Variants in KIAA1217 observed in about 807,000 individuals in gnomAD.
The protein encoded by KIAA1217 is sickle tail protein homolog.
Under a neutral mutation model 163.9 loss-of-function variants are expected in KIAA1217, and 88 were observed. The ratio of observed to expected loss-of-function variants is 0.54; its 90% CI spans 0.45 to 0.64. The LOEUF is 0.64. KIAA1217 is among the 30% of genes least tolerant of loss of function. The pLI is 0.00. For synonymous variants in KIAA1217, 903 were observed against 923.1 expected, an observed-to-expected ratio of 0.98 and a Z score of 0.39; for missense variants, 2,372 against 2,475.0, an observed-to-expected ratio of 0.96 and a Z score of 0.88.
chr10:24,379,504 A>G (rs960723363), intron 2 of KIAA1217, among the ~76,000 whole-genome samples: 6 of 152,106 alleles, frequency 3.9e-5, no homozygotes, highest in Non-Finnish European at 8.8e-5. Flanking sequence ...CACAGGGCGG[A>G]AGGTACTGAC....
intron 1 of KIAA1217, among the ~76,000 whole-genome samples, chr10:23,837,482 A>G (rs1197350686): frequency 6.6e-6 from 1 of 152,022 alleles, no homozygotes; most frequent in Admixed American, 6.6e-5. Flanking sequence ...TTTGGTTTTC[A>G]CTCAGAACTG....
At chr10:24,111,314 C>T (rs2062836173) in intron 2 of KIAA1217, among the ~76,000 whole-genome samples, 2 of 152,200 alleles carry the variant, frequency 1.3e-5, no homozygotes, top group South Asian at 2.1e-4. Context: ...TCTCCCATGG[C>T]AAGATATGTA....
intron 2 of KIAA1217, among the ~76,000 whole-genome samples, chr10:24,143,041 T>A (rs908795719): frequency 6.6e-6 from 1 of 152,214 alleles, no homozygotes; most frequent in African/African-American, 2.4e-5. Flanking sequence ...TTACTGGTTG[T>A]CTCACGTAGA....
chr10:23,894,591 A>T (rs1290438098), intron 1 of KIAA1217, among the ~76,000 whole-genome samples: 1 of 150,380 alleles, frequency 6.6e-6, no homozygotes, highest in African/African-American at 2.4e-5. Context: ...ATTCAATGCC[A>T]TCCCCATCAA....
intron 2 of KIAA1217, among the ~76,000 whole-genome samples, chr10:24,072,818 A>C (rs1022337937): frequency 1.3e-5 from 2 of 152,192 alleles, no homozygotes; most frequent in Non-Finnish European, 2.9e-5. Context: ...GAATACAGGC[A>C]GAGAGGAGGT....
chr10:24,052,600 C>G (rs1018174405), intron 2 of KIAA1217, among the ~76,000 whole-genome samples: 4 of 119,572 alleles, frequency 3.3e-5, no homozygotes, highest in Non-Finnish European at 7.6e-5. Context: ...GTGCTTCCAA[C>G]TTTTAGTTTT....
At chr10:24,075,606 CTT>C (rs1275191864) in intron 2 of KIAA1217, among the ~76,000 whole-genome samples, 18 of 137,970 alleles carry the variant, frequency 1.3e-4, no homozygotes, top group South Asian at 2.3e-4. Context: ...AGCATTTTAT[CTT>C]TTTTTTTTTT....
intron 1 of KIAA1217, among the ~76,000 whole-genome samples, chr10:23,950,777 C>T (rs1644887694): frequency 1.3e-5 from 2 of 152,084 alleles, no homozygotes; most frequent in Non-Finnish European, 1.5e-5. Flanking sequence ...GTATATTTTA[C>T]TTACTTGTTT....
intron 5 of KIAA1217, among the ~76,000 whole-genome samples, chr10:24,446,271 CT>C (rs2060927299): frequency 6.6e-6 from 1 of 151,984 alleles, no homozygotes; most frequent in Admixed American, 6.6e-5. Flanking sequence ...ATTGTAGATT[CT>C]GGATATTAGC....
intron 2 of KIAA1217, among the ~76,000 whole-genome samples, chr10:24,319,573 G>C (rs1395239066): frequency 1.3e-5 from 2 of 152,156 alleles, no homozygotes; most frequent in Non-Finnish European, 2.9e-5. Context: ...TGGTTGGGGA[G>C]TTAGGAGAGG....
chr10:24,314,653 A>G (rs1032643890), intron 2 of KIAA1217, among the ~76,000 whole-genome samples: 1 of 152,130 alleles, frequency 6.6e-6, no homozygotes, highest in East Asian at 1.9e-4. Context: ...TGCAAAATAT[A>G]CATATTGGCC....
intron 2 of KIAA1217, among the ~76,000 whole-genome samples, chr10:24,065,670 G>A (rs1325209290): frequency 1.3e-5 from 2 of 152,194 alleles, no homozygotes; most frequent in African/African-American, 2.4e-5. Flanking sequence ...GACTGGTGCA[G>A]AGCTGAGTTC....
At chr10:24,199,214 A>T (rs552388965) in intron 2 of KIAA1217, among the ~76,000 whole-genome samples, 1 of 152,362 alleles carries the variant, frequency 6.6e-6, no homozygotes, top group South Asian at 2.1e-4. Context: ...CCTGGGTGAC[A>T]GAGAAAGACC....
intron 6 of KIAA1217, among the ~76,000 whole-genome samples, chr10:24,477,310 T>G (rs1296530036): frequency 1.3e-5 from 2 of 152,200 alleles, no homozygotes; most frequent in African/African-American, 4.8e-5. Flanking sequence ...GACAACCCAG[T>G]GAGATATGTA....
intron 3 of KIAA1217, among the ~76,000 whole-genome samples, chr10:24,395,246 A>G (rs2055560231): frequency 6.6e-6 from 1 of 151,974 alleles, no homozygotes; most frequent in Non-Finnish European, 1.5e-5. Context: ...TCCCTACTTG[A>G]TCTCTGAATC....
At chr10:23,849,852 G>C (rs1045480605) in intron 1 of KIAA1217, among the ~76,000 whole-genome samples, 1 of 151,952 alleles carries the variant, frequency 6.6e-6, no homozygotes, top group African/African-American at 2.4e-5. Flanking sequence ...GACCGTCTTT[G>C]ATTGACCTTC....
intron 1 of KIAA1217, among the ~76,000 whole-genome samples, chr10:24,214,498 G>A (rs1793678519): frequency 6.6e-6 from 1 of 152,104 alleles, no homozygotes; most frequent in Non-Finnish European, 1.5e-5. Context: ...GGAGGTCTAG[G>A]GGCCCCAACA....
intron 1 of KIAA1217, among the ~76,000 whole-genome samples, chr10:23,783,919 C>A (rs1330912183): frequency 6.6e-6 from 1 of 151,914 alleles, no homozygotes. Flanking sequence ...CTCTCCCCTT[C>A]ATTTGTGATT....
intron 2 of KIAA1217, among the ~76,000 whole-genome samples, chr10:24,180,024 T>C (rs990971968): frequency 6.6e-6 from 1 of 152,206 alleles, no homozygotes; most frequent in African/African-American, 2.4e-5. Context: ...AGACTCAAGT[T>C]ATTACAATCT....
Sources: gnomAD v4.1 joint callset for allele counts (sites outside exome capture counted in the v4.1 genomes callset) on GRCh38, gnomAD v4.1.1 for gene constraint, MANE v1.5 for transcripts, NCBI Gene and HGNC (gene_info 2026-07-23, HGNC 2026-07-21) for gene names.